Variants in LCP1 observed in about 807,000 individuals in gnomAD.
LCP1 encodes plastin-2.
A neutral mutation model predicts 72.0 loss-of-function variants in LCP1; 23 were observed. That is an observed-to-expected ratio of 0.32 (90% confidence interval 0.23 to 0.45). The LOEUF is 0.45. LCP1 is among the 20% of genes least tolerant of loss of function. The pLI is 1.00. For synonymous variants in LCP1, 245 were observed against 275.4 expected (o/e 0.89, Z 1.09); for missense variants, 571 against 748.3 (o/e 0.76, Z 2.76).
rs544583076 is a variant in LCP1, at chr13:46,171,923, G to A, written c.-25+10188C>T. Among the ~76,000 whole-genome samples the A allele has an allele frequency of 5.9e-5, 9 of 152,372 alleles. No homozygotes were observed. The South Asian group carries it at 1.2e-3, about 21-fold the overall frequency. On this transcript the variant is annotated intron_variant, in intron 1 of 15. Coordinates refer to ENST00000323076, the MANE Select transcript of LCP1 (RefSeq NM_002298.5). ...GAAAATACAAGTATTCGCAGAATGC[G>A]AAACTCAGGGCGACCAAGGGCCAAC...
At position 46,156,158 on chromosome 13, in the gene LCP1, A is replaced by T. The variant is rs372167196; in HGVS notation, c.491+280T>A. 9.2e-5 allele frequency among the ~76,000 whole-genome samples: 14 copies of T among 152,342 alleles called. No homozygotes were observed. The East Asian group carries it at 2.5e-3, about 27-fold the overall frequency. ...CTTAATTATCTAATACATTGATTAG[A>T]CATCTAATGCTTTTGACTTGGTATA... is the stretch of plus-strand genomic sequence containing the variant. On this transcript the variant is annotated intron_variant, in intron 5 of 15. Transcript: ENST00000323076.
At chr13:46,132,414 C>T (rs1309545234) in intron 14 of LCP1, among the ~76,000 whole-genome samples, 4 of 152,160 alleles carry the variant, frequency 2.6e-5, no homozygotes, top group Admixed American at 2.0e-4. Flanking sequence ...ATTTTCCTCC[C>T]ATTTGTGGAC....
intron 11 of LCP1, among the ~76,000 whole-genome samples, chr13:46,143,983 G>A (rs7330586): frequency 0.011 from 1,613 of 152,130 alleles, 20 homozygotes; most frequent in African/African-American, 0.037. Context: ...GGAGAATGGC[G>A]TGAACCCGGG....
intron 1 of LCP1, among the ~76,000 whole-genome samples, chr13:46,164,359 T>A (rs1370564413): frequency 6.6e-6 from 1 of 152,176 alleles, no homozygotes; most frequent in Admixed American, 6.5e-5. Flanking sequence ...ACCATAAAAA[T>A]TGCAGTGGCC....
chr13:46,129,238 C>T (rs1006148742), intron 15 of LCP1, among the ~76,000 whole-genome samples: 4 of 152,172 alleles, frequency 2.6e-5, no homozygotes, highest in Admixed American at 2.0e-4. Context: ...CTCGCCCTCA[C>T]AGGAGAGTGC....
At chr13:46,135,850 C>T (rs1485923448) in intron 13 of LCP1, among the ~76,000 whole-genome samples, 1 of 151,600 alleles carries the variant, frequency 6.6e-6, no homozygotes, top group East Asian at 1.9e-4. Context: ...ACTGCGCCCC[C>T]GAACTCCTGG....
At chr13:46,164,718 T>C (rs1254108712) in intron 1 of LCP1, among the ~76,000 whole-genome samples, 2 of 152,244 alleles carry the variant, frequency 1.3e-5, no homozygotes, top group East Asian at 1.9e-4. Flanking sequence ...CCTTTTACCA[T>C]CAGCATGAGC....
At chr13:46,131,023 C>G in intron 14 of LCP1, 85 bp from the exon 15 acceptor site, 1 of 1,334,586 alleles carries the variant, frequency 7.5e-7, no homozygotes, top group East Asian at 2.5e-5. Context: ...GCTTTTTCTT[C>G]CTAAATATAT....
chr13:46,162,381 G>A (rs1359447021), intron 1 of LCP1, among the ~76,000 whole-genome samples: 2 of 151,356 alleles, frequency 1.3e-5, no homozygotes, highest in African/African-American at 4.9e-5. Context: ...TGCCGTATGG[G>A]CTCACTGCAA....
chr13:46,160,926 T>C (rs2045834393), intron 1 of LCP1, among the ~76,000 whole-genome samples: 1 of 152,176 alleles, frequency 6.6e-6, no homozygotes, highest in African/African-American at 2.4e-5. Flanking sequence ...CTTTTTTATA[T>C]TTTCATATTA....
In LCP1 at chr13:46,127,723, T is replaced by C. The variant is rs962109528; in HGVS notation, c.1752A>G (p.Lys584=). The change falls in exon 16 of 16, where the codon AAA becomes AAG. Residue 584 remains lysine (K), a splice_region_variant and synonymous_variant. Coordinates refer to ENST00000323076, the MANE Select transcript of LCP1 (RefSeq NM_002298.5). The part of the protein sequence containing the change: ...LNDDEKLNNA[K]YAISMARKIG... Reference sequence around the variant, plus strand: ...TTTTTCGGGCCATAGAGATGGCATATCTAAAAGGGAGAAAAGAGGAAAAAT... The same window carrying C: ...TTTTTCGGGCCATAGAGATGGCATACCTAAAAGGGAGAAAAGAGGAAAAAT... The C allele has an allele frequency of 6.8e-6, 11 of 1,613,944 alleles. No homozygotes were observed. In the African/African-American group the frequency reaches 1.3e-4, roughly 20 times the overall value.
In LCP1 at chr13:46,134,198, C is replaced by T; in HGVS notation, c.1555G>A (p.Asp519Asn). The change falls in exon 14 of 16, where the codon GAC (aspartate) becomes AAC (asparagine). Residue 519 changes from aspartate (D) to asparagine (N), a missense_variant. Asp to Asn is a conservative substitution (Grantham distance 23). Coordinates refer to ENST00000323076, the MANE Select transcript of LCP1 (RefSeq NM_002298.5). ...TCATTCACCCAGTTGACAATAATGT[C>T]ATCATTGACCTTCTGGCCACCACCA... is the stretch of plus-strand genomic sequence containing the variant. ...EIGGGQKVND[D>N]IIVNWVNETL... is the part of the protein sequence containing the mutation. 6.2e-7 allele frequency: 1 copy of T among 1,613,000 alleles called. No homozygotes were observed. The highest frequency in any genetic ancestry group is 8.5e-7 in the Non-Finnish European group (1 of 1,179,098).
At position 46,159,345 on chromosome 13, in the gene LCP1, A is replaced by G. The variant is rs2045823531; in HGVS notation, c.64+254T>C. 6 of 546,182 alleles carry G rather than the reference A, an allele frequency of 1.1e-5. No individual in the cohort carries two copies. The South Asian group carries it at 1.5e-4, about 13-fold the overall frequency. 33.8% of individuals were successfully genotyped at this position (546,182 alleles called of 1,614,324 possible). A position where few individuals can be genotyped will look rare whatever the true frequency, so the allele number is the denominator to read the frequency against. On this transcript the variant is annotated intron_variant, in intron 2 of 15. Transcript: ENST00000323076. ...AACAGCAAAACAGAAGACAAGATATAAAAGATGAGACTTACAAACCATTTC... is the reference window on the plus strand; with the variant it reads ...AACAGCAAAACAGAAGACAAGATATGAAAGATGAGACTTACAAACCATTTC...
chr13:46,173,655 A>G (rs576267374), intron 1 of LCP1, among the ~76,000 whole-genome samples: 4 of 152,254 alleles, frequency 2.6e-5, no homozygotes, highest in South Asian at 2.1e-4. Context: ...CTATGTTTTA[A>G]TGTTCTCAGT....
At chr13:46,170,570 TG>T (rs2045900241) in intron 1 of LCP1, among the ~76,000 whole-genome samples, 1 of 152,148 alleles carries the variant, frequency 6.6e-6, no homozygotes, top group African/African-American at 2.4e-5. Context: ...CAAACCCACC[TG>T]GGATGCACAT....
intron 15 of LCP1, 96 bp downstream of exon 15, chr13:46,130,718 A>C: frequency 1.4e-6 from 2 of 1,405,210 alleles, no homozygotes; most frequent in Non-Finnish European, 2.0e-6. Flanking sequence ...TGAAAATGAA[A>C]TGTTTGTATA....
At chr13:46,149,234 A>C (rs1415240857) in intron 8 of LCP1, among the ~76,000 whole-genome samples, 1 of 152,190 alleles carries the variant, frequency 6.6e-6, no homozygotes, top group East Asian at 1.9e-4. Flanking sequence ...TTGTTTCTAC[A>C]ACTGGTTAGG....
rs1457540841 is a variant in LCP1, at chr13:46,152,874, G to A, written c.645C>T (p.Asp215=). The A allele has an allele frequency of 1.2e-6, 2 of 1,614,028 alleles. No individual in the cohort carries two copies. Among genetic ancestry groups the A allele is most frequent in the Admixed American group, 3.3e-5 (2 of 59,992 alleles). The change falls in exon 7 of 16, where the codon GAC becomes GAT. Residue 215 remains aspartate, a synonymous_variant. Coordinates refer to ENST00000323076, the MANE Select transcript of LCP1 (RefSeq NM_002298.5). ...CCAGATAAGGCTTCCCCTCCTTCAG[G>A]TCCTCAGCCCCTATGTTGACCACAT... ...GCHVVNIGAE[D]LKEGKPYLVL...
intron 1 of LCP1, among the ~76,000 whole-genome samples, chr13:46,161,854 G>A (rs1179428043): frequency 6.6e-6 from 1 of 152,192 alleles, no homozygotes; most frequent in East Asian, 1.9e-4. Flanking sequence ...AAAAAGGAAA[G>A]TATCATCGGT....
Sources: gnomAD v4.1 joint callset for allele counts (sites outside exome capture counted in the v4.1 genomes callset) on GRCh38, gnomAD v4.1.1 for gene constraint, MANE v1.5 for transcripts, NCBI Gene and HGNC (gene_info 2026-07-23, HGNC 2026-07-21) for gene names.